NAV3: variants seen among roughly 807,000 people sequenced by gnomAD.
NAV3 encodes the protein pore membrane and/or filament interacting like protein 1.
NAV3 carries 87 observed loss-of-function variants against 244.7 expected under a neutral mutation model. The observed-to-expected ratio is 0.36, with a 90% CI of 0.30 to 0.42. The LOEUF (loss-of-function observed/expected upper bound fraction) is 0.42, where lower values mean the gene tolerates loss of function less well. Ranked by LOEUF, NAV3 falls within the 20% of genes least tolerant of loss-of-function variation. The pLI is 1.00. For synonymous variants in NAV3, 1,126 were observed against 1,042.2 expected (o/e 1.08, Z -1.55); for missense variants, 2,663 against 2,893.3 (o/e 0.92, Z 1.83).
chr12:78,075,833 G>A (rs569297592), intron 12 of NAV3, among the ~76,000 whole-genome samples: 1 of 152,246 alleles, frequency 6.6e-6, no homozygotes, highest in South Asian at 2.1e-4. Context: ...AACATGAAAT[G>A]TGAGGCCCTC....
chr12:77,776,902 G>T (rs765517463), intron 2 of NAV3, among the ~76,000 whole-genome samples: 16 of 152,154 alleles, frequency 1.1e-4, no homozygotes, highest in Non-Finnish European at 1.8e-4. Flanking sequence ...TATCTATCCA[G>T]CCCAGTAGTT....
chr12:77,886,682 A>G (rs76687304), intron 1 of NAV3, among the ~76,000 whole-genome samples: 80 of 152,264 alleles, frequency 5.3e-4, no homozygotes, highest in African/African-American at 1.8e-3. Flanking sequence ...AATTTGATCC[A>G]TGTTTAATGT....
intron 2 of NAV3, among the ~76,000 whole-genome samples, chr12:77,735,530 T>C (rs1877299040): frequency 6.6e-6 from 1 of 152,166 alleles, no homozygotes. Context: ...AGCACATTCT[T>C]CCTTTTAGTT....
At chr12:78,125,578 C>A (rs1041658457) in intron 16 of NAV3, among the ~76,000 whole-genome samples, 8 of 152,136 alleles carry the variant, frequency 5.3e-5, no homozygotes, top group Non-Finnish European at 7.3e-5. Context: ...GGCAACGCTG[C>A]CTTGACATTT....
intron 1 of NAV3, among the ~76,000 whole-genome samples, chr12:77,866,688 A>G (rs1592829705): frequency 6.6e-6 from 1 of 152,232 alleles, no homozygotes; most frequent in Admixed American, 6.5e-5. Flanking sequence ...TGTTTGAAGC[A>G]TGAATGAATG....
chr12:77,888,716 A>G (rs748233157), intron 1 of NAV3, among the ~76,000 whole-genome samples: 2 of 152,160 alleles, frequency 1.3e-5, no homozygotes, highest in African/African-American at 2.4e-5. Flanking sequence ...CTGATTAAGA[A>G]TGACCTGTAT....
At chr12:77,879,803 G>C (rs1882394848) in intron 1 of NAV3, among the ~76,000 whole-genome samples, 1 of 151,466 alleles carries the variant, frequency 6.6e-6, no homozygotes, top group Non-Finnish European at 1.5e-5. Context: ...ATGTTGGCTA[G>C]CTATAACTTT....
intron 1 of NAV3, among the ~76,000 whole-genome samples, chr12:77,907,931 T>C (rs1461628318): frequency 1.3e-5 from 2 of 152,106 alleles, no homozygotes. Context: ...TTTATCAACT[T>C]TTCTTTCTCA....
At chr12:77,780,074 A>G (rs1222070212) in intron 2 of NAV3, among the ~76,000 whole-genome samples, 1 of 151,934 alleles carries the variant, frequency 6.6e-6, no homozygotes, top group Non-Finnish European at 1.5e-5. Context: ...TTCAGTTTCT[A>G]CTTAGTGAAT....
intron 11 of NAV3, among the ~76,000 whole-genome samples, chr12:78,052,601 A>G (rs1882920833): frequency 6.6e-6 from 1 of 152,132 alleles, no homozygotes; most frequent in Admixed American, 6.5e-5. Context: ...TATCATCACT[A>G]TTACATTTAT....
chr12:77,790,720 A>C (rs1224614261), intron 2 of NAV3, among the ~76,000 whole-genome samples: 1 of 152,038 alleles, frequency 6.6e-6, no homozygotes, highest in Non-Finnish European at 1.5e-5. Context: ...CATTTACCTA[A>C]ACCTATGGGA....
chr12:77,799,910 C>A (rs1871614108), intron 2 of NAV3, among the ~76,000 whole-genome samples: 1 of 152,084 alleles, frequency 6.6e-6, no homozygotes, highest in Non-Finnish European at 1.5e-5. Flanking sequence ...TATAATGCTA[C>A]TGTAGTTTTT....
intron 12 of NAV3, among the ~76,000 whole-genome samples, chr12:78,080,383 C>G: frequency 6.6e-6 from 1 of 152,174 alleles, no homozygotes; most frequent in East Asian, 1.9e-4. Flanking sequence ...CAGAGTGAGC[C>G]TTAAATTAAC....
At chr12:77,849,499 C>T (rs1166262809) in intron 1 of NAV3, among the ~76,000 whole-genome samples, 1 of 152,132 alleles carries the variant, frequency 6.6e-6, no homozygotes, top group African/African-American at 2.4e-5. Context: ...TACCTGATTT[C>T]AGGTGATGGG....
At chr12:78,092,295 C>G (rs1953986136) in intron 12 of NAV3, among the ~76,000 whole-genome samples, 1 of 151,842 alleles carries the variant, frequency 6.6e-6, no homozygotes. Flanking sequence ...CAATTACTGT[C>G]TTTTCTTATC....
chr12:78,173,126 G>A (rs991396638), intron 24 of NAV3, among the ~76,000 whole-genome samples: 18 of 151,554 alleles, frequency 1.2e-4, no homozygotes, highest in African/African-American at 3.4e-4. Flanking sequence ...ATATTCATTC[G>A]GTTAGCCATT....
chr12:78,193,229 C>T (rs1287487938), intron 34 of NAV3, among the ~76,000 whole-genome samples: 1 of 152,220 alleles, frequency 6.6e-6, no homozygotes, highest in Non-Finnish European at 1.5e-5. Context: ...TTCTGTTCCT[C>T]TTCCCACACT....
At chr12:77,713,174 T>A (rs1876203408) in intron 2 of NAV3, among the ~76,000 whole-genome samples, 1 of 152,216 alleles carries the variant, frequency 6.6e-6, no homozygotes, top group Non-Finnish European at 1.5e-5. Context: ...GTTTGCACAT[T>A]TATTTAGGTG....
intron 9 of NAV3, among the ~76,000 whole-genome samples, chr12:78,022,509 A>G (rs1197568530): frequency 6.6e-6 from 1 of 152,112 alleles, no homozygotes; most frequent in Non-Finnish European, 1.5e-5. Flanking sequence ...TATTGCCCCT[A>G]AAGGGTGAGA....
Sources: allele counts gnomAD v4.1 joint callset (sites outside exome capture counted in the v4.1 genomes callset), GRCh38; gene constraint gnomAD v4.1.1; transcripts MANE v1.5; gene names NCBI Gene and HGNC (gene_info 2026-07-23, HGNC 2026-07-21).